The following FRMD5 variants were observed in gnomAD, a reference collection of about 807,000 sequenced individuals.
FRMD5 encodes the protein FERM domain-containing protein 5.
A neutral mutation model predicts 69.0 loss-of-function variants in FRMD5; 20 were observed. The observed-to-expected ratio is 0.29, with a 90% CI of 0.20 to 0.42. The LOEUF is 0.42. FRMD5 is among the 10% of genes least tolerant of loss of function. The pLI, the probability that FRMD5 is intolerant of heterozygous loss-of-function variation, is 1.00. For missense variants in FRMD5, 595 were observed against 708.6 expected (o/e 0.84, Z 1.82); for synonymous variants, 271 against 260.1 (o/e 1.04, Z -0.40).
intron 1 of FRMD5, among the ~76,000 whole-genome samples, chr15:44,149,683 T>C (rs1595524398): frequency 6.6e-6 from 1 of 152,100 alleles, no homozygotes; most frequent in African/African-American, 2.4e-5. Flanking sequence ...ATATTAAATA[T>C]TCAATACAGC....
At chr15:44,150,695 G>A (rs1025874281) in intron 1 of FRMD5, among the ~76,000 whole-genome samples, 19 of 151,386 alleles carry the variant, frequency 1.3e-4, no homozygotes, top group Non-Finnish European at 2.2e-4. Context: ...TCAGGAAGAT[G>A]AAGCAGGATT....
At chr15:43,946,757 C>T (rs960523326) in intron 1 of FRMD5, among the ~76,000 whole-genome samples, 4 of 152,308 alleles carry the variant, frequency 2.6e-5, no homozygotes, top group Admixed American at 2.6e-4. Flanking sequence ...TTTCACTTTG[C>T]TCTCTTCTGT....
intron 1 of FRMD5, among the ~76,000 whole-genome samples, chr15:43,988,551 A>G (rs138849819): frequency 3.9e-5 from 6 of 152,260 alleles, no homozygotes; most frequent in Non-Finnish European, 7.4e-5. Flanking sequence ...ACCCACTCCC[A>G]ACTCCCAGGG....
At chr15:44,148,561 G>A (rs927363086) in intron 1 of FRMD5, among the ~76,000 whole-genome samples, 1 of 152,102 alleles carries the variant, frequency 6.6e-6, no homozygotes, top group African/African-American at 2.4e-5. Context: ...GTGAGCCACC[G>A]TGCCCAACCT....
At chr15:43,950,058 G>T (rs1291817749) in intron 1 of FRMD5, among the ~76,000 whole-genome samples, 1 of 152,174 alleles carries the variant, frequency 6.6e-6, no homozygotes, top group Non-Finnish European at 1.5e-5. Context: ...TTCTTGGTAT[G>T]CAGGAAGGCT....
chr15:44,108,275 G>T (rs1186379051), intron 1 of FRMD5, among the ~76,000 whole-genome samples: 1 of 152,138 alleles, frequency 6.6e-6, no homozygotes, highest in East Asian at 1.9e-4. Flanking sequence ...AGAGGCTGAG[G>T]TGGAAGGATC....
chr15:44,133,960 C>G (rs986909461), intron 1 of FRMD5, among the ~76,000 whole-genome samples: 3 of 151,820 alleles, frequency 2.0e-5, no homozygotes, highest in Non-Finnish European at 4.4e-5. Context: ...CTGAAAAAAT[C>G]AAAACTAAAA....
chr15:44,192,990 T>C (rs570877128), intron 1 of FRMD5, among the ~76,000 whole-genome samples: 262 of 152,332 alleles, frequency 1.7e-3, no homozygotes, highest in African/African-American at 6.1e-3. Flanking sequence ...TAGTGGGATA[T>C]AGCAAGCACA....
chr15:43,963,410 G>C (rs1163053619), intron 1 of FRMD5, among the ~76,000 whole-genome samples: 1 of 152,178 alleles, frequency 6.6e-6, no homozygotes, highest in Non-Finnish European at 1.5e-5. Context: ...GGAAACAACA[G>C]GTGCTGGAGA....
intron 1 of FRMD5, among the ~76,000 whole-genome samples, chr15:43,953,261 A>G (rs2090064972): frequency 6.6e-6 from 1 of 152,248 alleles, no homozygotes; most frequent in African/African-American, 2.4e-5. Context: ...AAAACTGCAC[A>G]GATTCTGCAA....
chr15:43,954,934 C>T (rs1359462299), intron 1 of FRMD5, among the ~76,000 whole-genome samples: 2 of 152,148 alleles, frequency 1.3e-5, no homozygotes, highest in Non-Finnish European at 2.9e-5. Context: ...AAAATGGAAG[C>T]TATTATAATA....
rs551973837 is a variant in FRMD5, at chr15:44,012,915, C to T, written c.103-88606G>A. Reference sequence around the variant, plus strand: ...CCAAGTAGCTGGGATTACAGGCATGCGCCACCATGCCCAGCTAATTTTGTA... The same window carrying T: ...CCAAGTAGCTGGGATTACAGGCATGTGCCACCATGCCCAGCTAATTTTGTA... On this transcript the variant is annotated intron_variant, in intron 1 of 13. Transcript: ENST00000417257. 1.9e-4 allele frequency among the ~76,000 whole-genome samples: 29 copies of T among 151,842 alleles called. 1 individual carries two copies. In the East Asian group the frequency reaches 4.5e-3, roughly 23 times the overall value.
chr15:43,948,767 C>A (rs2089984715), intron 1 of FRMD5, among the ~76,000 whole-genome samples: 1 of 152,184 alleles, frequency 6.6e-6, no homozygotes, highest in Non-Finnish European at 1.5e-5. Flanking sequence ...GTACTGTCCC[C>A]TAACTAACAT....
At chr15:44,000,257 G>A (rs1454966949) in intron 1 of FRMD5, among the ~76,000 whole-genome samples, 2 of 151,870 alleles carry the variant, frequency 1.3e-5, no homozygotes, top group African/African-American at 4.8e-5. Flanking sequence ...AAAATGCTGA[G>A]ATTACAGGTG....
At chr15:43,903,959 A>T (rs980834719) in intron 6 of FRMD5, among the ~76,000 whole-genome samples, 40 of 152,126 alleles carry the variant, frequency 2.6e-4, no homozygotes, top group Admixed American at 2.6e-3. Context: ...GATTTTTACC[A>T]CAAGGGGTCG....
chr15:44,145,806 T>C lies in FRMD5; in HGVS notation c.102+49147A>G, dbSNP rs994921186. 1.3e-5 allele frequency among the ~76,000 whole-genome samples: 2 copies of C among 152,192 alleles called. 1 individual carries two copies. The highest frequency in any genetic ancestry group is 4.1e-4 in the South Asian group (2 of 4,828). ...TTAAGATTTAACACAAGTAATTTAG[T>C]GGGCATTATTCGGCCACTAATAAAA... On this transcript the variant is annotated intron_variant, in intron 1 of 13. Coordinates refer to ENST00000417257, the MANE Select transcript of FRMD5 (RefSeq NM_032892.5).
intron 2 of FRMD5, among the ~76,000 whole-genome samples, chr15:43,920,082 C>A (rs2089466330): frequency 6.6e-6 from 1 of 152,188 alleles, no homozygotes; most frequent in African/African-American, 2.4e-5. Flanking sequence ...TGCCAAAATT[C>A]TGAGCCATGT....
At chr15:44,017,017 A>T (rs1890992884) in intron 1 of FRMD5, among the ~76,000 whole-genome samples, 1 of 151,810 alleles carries the variant, frequency 6.6e-6, no homozygotes, top group Non-Finnish European at 1.5e-5. Flanking sequence ...TGATCTGCCC[A>T]CCTCAGCCTC....
At chr15:44,079,954 G>C (rs1893929300) in intron 1 of FRMD5, among the ~76,000 whole-genome samples, 1 of 152,008 alleles carries the variant, frequency 6.6e-6, no homozygotes, top group Admixed American at 6.6e-5. Flanking sequence ...ACAGAAAATA[G>C]AATGGGGAGC....
Sources: allele counts gnomAD v4.1 joint callset (sites outside exome capture counted in the v4.1 genomes callset), GRCh38; gene constraint gnomAD v4.1.1; transcripts MANE v1.5; gene names NCBI Gene and HGNC (gene_info 2026-07-23, HGNC 2026-07-21).